The following ABHD17C variants were observed in gnomAD, a reference collection of about 807,000 sequenced individuals.
ABHD17C encodes the protein alpha/beta hydrolase domain-containing protein 17C.
Under a neutral mutation model 27.9 loss-of-function variants are expected in ABHD17C, and 11 were observed. That is an observed-to-expected ratio of 0.39 (90% CI 0.25 to 0.65). The LOEUF (loss-of-function observed/expected upper bound fraction) is 0.65. ABHD17C is among the 30% of genes least tolerant of loss of function. The pLI is 0.45. For missense variants in ABHD17C, 280 were observed against 470.2 expected (o/e 0.60, Z 3.74); for synonymous variants, 233 against 209.1 (o/e 1.11, Z -0.98).
At chr15:80,715,205 TGAAAG>T (rs1894787781) in intron 1 of ABHD17C, among the ~76,000 whole-genome samples, 1 of 152,250 alleles carries the variant, frequency 6.6e-6, no homozygotes, top group South Asian at 2.1e-4. Context: ...GGAAATCAAT[TGAAAG>T]GAAGGAAAGA....
At chr15:80,724,566 A>G (rs566355997) in intron 1 of ABHD17C, among the ~76,000 whole-genome samples, 160 of 26,274 alleles carry the variant, frequency 6.1e-3, no homozygotes, top group African/African-American at 0.015. Context: ...AATTCTCATA[A>G]GGAAAAACAT....
At chr15:80,703,423 A>G (rs1894601802) in intron 1 of ABHD17C, 1 of 152,256 alleles carries the variant, frequency 6.6e-6, no homozygotes, top group African/African-American at 2.4e-5. Flanking sequence ...TGAAACCTGG[A>G]CCAGTGAATT....
chr15:80,702,496 T>C (rs569409341), intron 1 of ABHD17C, among the ~76,000 whole-genome samples: 1 of 152,288 alleles, frequency 6.6e-6, no homozygotes, highest in South Asian at 2.1e-4. Context: ...AAAGCATTTT[T>C]TTCCCCTGCA....
At chr15:80,713,680 G>A (rs1047726975) in intron 1 of ABHD17C, among the ~76,000 whole-genome samples, 1 of 151,856 alleles carries the variant, frequency 6.6e-6, no homozygotes, top group Non-Finnish European at 1.5e-5. Context: ...GTGGTGGCAG[G>A]CGCCTGTAAT....
chr15:80,728,982 A>G (rs1431363735), intron 1 of ABHD17C, among the ~76,000 whole-genome samples: 2 of 152,246 alleles, frequency 1.3e-5, no homozygotes, highest in Non-Finnish European at 2.9e-5. Flanking sequence ...AGCCACATGA[A>G]ACGAATTGGC....
At chr15:80,703,063 G>A (rs1010255361) in intron 1 of ABHD17C, 2 of 152,174 alleles carry the variant, frequency 1.3e-5, no homozygotes, top group East Asian at 1.9e-4. Flanking sequence ...ATGCAAGATC[G>A]AGGCACTTGC....
At chr15:80,701,412 C>T (rs565557481) in intron 1 of ABHD17C, among the ~76,000 whole-genome samples, 1 of 152,202 alleles carries the variant, frequency 6.6e-6, no homozygotes, top group African/African-American at 2.4e-5. Context: ...GCCGCGGTGG[C>T]TCACAGCTGT....
At chr15:80,728,880 G>A (rs1436151850) in intron 1 of ABHD17C, among the ~76,000 whole-genome samples, 2 of 152,110 alleles carry the variant, frequency 1.3e-5, no homozygotes, top group African/African-American at 4.8e-5. Context: ...CAAAGTGCTG[G>A]GATTACAGGA....
At chr15:80,746,209 CT>C (rs1305070911) in intron 1 of ABHD17C, among the ~76,000 whole-genome samples, 1 of 152,024 alleles carries the variant, frequency 6.6e-6, no homozygotes, top group African/African-American at 2.4e-5. Context: ...TAACTCTTCT[CT>C]TTTTTTCTCT....
chr15:80,721,826 T>G (rs1035913909), intron 1 of ABHD17C, among the ~76,000 whole-genome samples: 2 of 151,966 alleles, frequency 1.3e-5, no homozygotes, highest in Admixed American at 6.5e-5. Context: ...GCCTCCTTCC[T>G]TGTTGTGGTA....
At chr15:80,701,692 A>AT (rs1491148433) in intron 1 of ABHD17C, among the ~76,000 whole-genome samples, 1 of 149,576 alleles carries the variant, frequency 6.7e-6, no homozygotes, top group Non-Finnish European at 1.5e-5. Flanking sequence ...AAAAAAAAAA[A>AT]CAAATGTTAT....
intron 1 of ABHD17C, among the ~76,000 whole-genome samples, chr15:80,698,635 A>G (rs1021559739): frequency 1.3e-5 from 2 of 152,220 alleles, no homozygotes; most frequent in African/African-American, 4.8e-5. Context: ...TCTGAAGCCA[A>G]TCAGCCCCTC....
intron 1 of ABHD17C, among the ~76,000 whole-genome samples, chr15:80,740,477 A>C (rs971340956): frequency 1.3e-5 from 2 of 151,682 alleles, no homozygotes; most frequent in Non-Finnish European, 2.9e-5. Flanking sequence ...ACCTAAGCCA[A>C]CTCCCGGGAC....
intron 1 of ABHD17C, among the ~76,000 whole-genome samples, chr15:80,711,701 TC>T (rs776373704): frequency 5.9e-5 from 9 of 152,214 alleles, no homozygotes; most frequent in Non-Finnish European, 1.3e-4. Context: ...CTGTATTTCC[TC>T]TCTGAACTGA....
intron 1 of ABHD17C, among the ~76,000 whole-genome samples, chr15:80,734,221 G>A (rs1895095664): frequency 6.6e-6 from 1 of 152,128 alleles, no homozygotes; most frequent in Non-Finnish European, 1.5e-5. Context: ...CTGGGCCCAA[G>A]CAATCCTCCC....
At position 80,749,641 on chromosome 15, in the gene ABHD17C, G is replaced by C. The variant is rs1462922769; in HGVS notation, c.719G>C (p.Arg240Pro). 6.2e-7 allele frequency: 1 copy of C among 1,613,860 alleles called. No homozygotes were observed. The highest frequency in any genetic ancestry group is 1.3e-5 in the African/African-American group (1 of 74,916). ...CATTCCCCTCTGATGTCTGGTTTGC[G>C]TGTGGCTTTTCCGGATACCAGGAAA... ...ILHSPLMSGLRVAFPDTRKTY... is the reference protein window; with the variant it reads ...ILHSPLMSGLPVAFPDTRKTY... The change falls in exon 2 of 3, where the codon CGT becomes CCT. Residue 240 changes from arginine (R) to proline (P), a missense_variant. By Grantham distance (103) the Arg-to-Pro change is moderately radical (BLOSUM62 -2). Around this residue, in one of 2 missense-constraint regions of ABHD17C, gnomAD observed 206 missense variants for 394.7 expected, o/e 0.52. Transcript: ENST00000258884.
intron 1 of ABHD17C, 49 bp from the exon 2 acceptor site, chr15:80,749,464 C>T (rs762068312): frequency 6.3e-7 from 1 of 1,583,106 alleles, no homozygotes; most frequent in Non-Finnish European, 8.6e-7. Flanking sequence ...GTCCCTTTCT[C>T]TCTTTCTTCA....
intron 1 of ABHD17C, among the ~76,000 whole-genome samples, chr15:80,715,782 T>G (rs888054383): frequency 6.6e-6 from 1 of 152,220 alleles, no homozygotes; most frequent in Non-Finnish European, 1.5e-5. Context: ...TTTACATGTT[T>G]TCAGGGTTTC....
At chr15:80,730,225 C>T (rs996903858) in intron 1 of ABHD17C, among the ~76,000 whole-genome samples, 9 of 152,222 alleles carry the variant, frequency 5.9e-5, no homozygotes, top group African/African-American at 1.9e-4. Context: ...CTCAGAACAA[C>T]TCCACCTTGA....
Sources: gnomAD v4.1 joint callset for allele counts (sites outside exome capture counted in the v4.1 genomes callset) on GRCh38, gnomAD v4.1.1 for gene constraint, gnomAD v4.1.1 regional missense constraint, MANE v1.5 for transcripts, NCBI Gene and HGNC (gene_info 2026-07-23, HGNC 2026-07-21) for gene names.